CDH8: variants seen among roughly 807,000 people sequenced by gnomAD.
CDH8 encodes cadherin-8.
CDH8 carries 17 observed loss-of-function variants against 68.1 expected under a neutral mutation model. The observed-to-expected ratio is 0.25, with a 90% CI of 0.17 to 0.37. The LOEUF (loss-of-function observed/expected upper bound fraction) is 0.37, where lower values mean the gene tolerates loss of function less well. CDH8 is among the 10% of genes least tolerant of loss of function. The pLI is 1.00. For missense variants in CDH8, 763 were observed against 999.3 expected (o/e 0.76, Z 3.19); for synonymous variants, 372 against 365.1 (o/e 1.02, Z -0.21).
Position 61,652,753 on chromosome 16 carries a change from T to C in CDH8, c.*855A>G. The C allele has an allele frequency of 7.5e-7, 1 of 1,324,592 alleles. No homozygotes were observed. Among genetic ancestry groups the C allele is most frequent in the South Asian group, 2.3e-5 (1 of 42,944 alleles). The allele number at this position is 1,324,592 out of a possible 1,614,324, so 82.1% of individuals were successfully genotyped here. On this transcript the variant is annotated 3_prime_UTR_variant, in exon 12 of 12. Coordinates refer to ENST00000577390, the MANE Select transcript of CDH8 (RefSeq NM_001796.5). Reference sequence around the variant, plus strand: ...AAATAAAAGCATTAATGGACATCAATAAAATATTTATTTCGAGGATTAAAC... The same window carrying C: ...AAATAAAAGCATTAATGGACATCAACAAAATATTTATTTCGAGGATTAAAC...
intron 7 of CDH8, among the ~76,000 whole-genome samples, chr16:61,799,029 T>G (rs559245902): frequency 6.6e-6 from 1 of 152,158 alleles, no homozygotes; most frequent in Non-Finnish European, 1.5e-5. Context: ...TTAGGAGTTG[T>G]GAGGATAAAC....
intron 2 of CDH8, among the ~76,000 whole-genome samples, chr16:61,953,291 G>T (rs944129609): frequency 3.3e-5 from 5 of 152,100 alleles, no homozygotes; most frequent in Non-Finnish European, 7.4e-5. Context: ...GACATATTAA[G>T]AATGTATAAT....
At chr16:61,732,079 A>G (rs1220736000) in intron 8 of CDH8, among the ~76,000 whole-genome samples, 2 of 150,752 alleles carry the variant, frequency 1.3e-5, no homozygotes, top group Non-Finnish European at 1.5e-5. Context: ...AACAGCAGTT[A>G]AAAAAAAATA....
chr16:61,919,422 A>C (rs1964319314), intron 2 of CDH8, among the ~76,000 whole-genome samples: 1 of 146,814 alleles, frequency 6.8e-6, no homozygotes, highest in Admixed American at 7.1e-5. Context: ...TTTGAAAAAA[A>C]TTTAGGAGAA....
chr16:62,020,044 C>A (rs1803955110), intron 2 of CDH8, among the ~76,000 whole-genome samples: 2 of 152,068 alleles, frequency 1.3e-5, no homozygotes, highest in Non-Finnish European at 2.9e-5. Context: ...TTTCTTCATC[C>A]AAGTAGAACC....
intron 8 of CDH8, among the ~76,000 whole-genome samples, chr16:61,770,279 A>G (rs1214100758): frequency 6.6e-6 from 1 of 151,936 alleles, no homozygotes; most frequent in Non-Finnish European, 1.5e-5. Flanking sequence ...ACATGCAGAT[A>G]TCATTTAATG....
intron 7 of CDH8, 101 bp downstream of exon 7, chr16:61,817,378 A>G: frequency 1.7e-6 from 2 of 1,143,398 alleles, no homozygotes; most frequent in Admixed American, 3.7e-5. Flanking sequence ...TCATGTGAGC[A>G]TAGTCCCAAG....
chr16:61,949,072 T>G (rs1386508167), intron 2 of CDH8, among the ~76,000 whole-genome samples: 1 of 152,170 alleles, frequency 6.6e-6, no homozygotes, highest in African/African-American at 2.4e-5. Context: ...TGAAGAAACA[T>G]ATTACAATTT....
At chr16:61,762,539 C>G (rs1371240842) in intron 8 of CDH8, among the ~76,000 whole-genome samples, 2 of 152,070 alleles carry the variant, frequency 1.3e-5, no homozygotes, top group African/African-American at 4.8e-5. Flanking sequence ...TGGTTTGCAA[C>G]TAGTGGACTA....
chr16:61,962,471 C>T (rs573723223), intron 2 of CDH8, among the ~76,000 whole-genome samples: 14 of 152,262 alleles, frequency 9.2e-5, no homozygotes, highest in Admixed American at 5.9e-4. Flanking sequence ...TCACACTCAG[C>T]ATTTTCTGTA....
intron 2 of CDH8, among the ~76,000 whole-genome samples, chr16:61,902,132 C>A (rs1018735300): frequency 6.6e-6 from 1 of 152,146 alleles, no homozygotes; most frequent in African/African-American, 2.4e-5. Context: ...CCAGGAAAAT[C>A]ATTCCCATTT....
In CDH8 at chr16:61,785,024, A is replaced by C. The variant is rs747449084; in HGVS notation, c.1414+4322T>G. 2.4e-3 allele frequency among the ~76,000 whole-genome samples: 350 copies of C among 148,924 alleles called. 2 individuals carry two copies. Among genetic ancestry groups the C allele is most frequent in the South Asian group, 5.0e-3 (23 of 4,628 alleles). ...TTCACACCCTAACATCACAATTAAA[A>C]GAACTAGAAAAGCAAGAGCAAACAC... is the stretch of plus-strand genomic sequence containing the variant. On this transcript the variant is annotated intron_variant, in intron 8 of 11. Coordinates refer to ENST00000577390, the MANE Select transcript of CDH8 (RefSeq NM_001796.5).
intron 4 of CDH8, among the ~76,000 whole-genome samples, chr16:61,851,354 AG>A (rs984920360): frequency 1.8e-4 from 27 of 152,208 alleles, no homozygotes; most frequent in Admixed American, 6.6e-4. Context: ...TTTCAAAAAA[AG>A]GTCAATGAAT....
At chr16:61,768,304 GTCTCTCCCTTTCTCTCTCTCTCTC>G (rs1960648469) in intron 8 of CDH8, among the ~76,000 whole-genome samples, 1 of 73,688 alleles carries the variant, frequency 1.4e-5, no homozygotes, top group Admixed American at 1.4e-4. Context: ...CTCTCTCTGT[GTCTCTCCCTTTCTCTCTCTCTCTC>G]TCTCTCTCTC....
At chr16:61,690,877 G>C (rs1220993852) in intron 10 of CDH8, among the ~76,000 whole-genome samples, 2 of 151,946 alleles carry the variant, frequency 1.3e-5, no homozygotes, top group Non-Finnish European at 2.9e-5. Context: ...ATCATTTTAA[G>C]AATTACCTCC....
At chr16:61,901,758 AAT>A (rs1248920074) in intron 2 of CDH8, among the ~76,000 whole-genome samples, 2 of 152,198 alleles carry the variant, frequency 1.3e-5, no homozygotes, top group Non-Finnish European at 2.9e-5. Context: ...AAAATACAAA[AAT>A]ATATGTGTTA....
At chr16:61,838,747 G>GA (rs924949756) in intron 4 of CDH8, among the ~76,000 whole-genome samples, 1 of 151,934 alleles carries the variant, frequency 6.6e-6, no homozygotes, top group East Asian at 1.9e-4. Context: ...ACATACAAAA[G>GA]AAAAAATCAT....
chr16:61,755,134 G>T (rs1460527454), intron 8 of CDH8, among the ~76,000 whole-genome samples: 1 of 152,164 alleles, frequency 6.6e-6, no homozygotes, highest in Non-Finnish European at 1.5e-5. Flanking sequence ...AAGTTTCATG[G>T]TTAAGTCAGT....
At chr16:61,696,455 A>G (rs1195598231) in intron 10 of CDH8, among the ~76,000 whole-genome samples, 1 of 152,214 alleles carries the variant, frequency 6.6e-6, no homozygotes, top group African/African-American at 2.4e-5. Flanking sequence ...TAAAAAGTCA[A>G]AAAACAGATG....
Sources: gnomAD v4.1 joint callset for allele counts (sites outside exome capture counted in the v4.1 genomes callset) on GRCh38, gnomAD v4.1.1 for gene constraint, MANE v1.5 for transcripts, NCBI Gene and HGNC (gene_info 2026-07-23, HGNC 2026-07-21) for gene names.